The following TRAF7 variants were observed in gnomAD, a reference collection of about 807,000 sequenced individuals.
TRAF7 encodes E3 ubiquitin-protein ligase TRAF7.
A neutral mutation model predicts 89.3 loss-of-function variants in TRAF7; 45 were observed. That is an observed-to-expected ratio of 0.50 (90% CI 0.40 to 0.65). The LOEUF is 0.65. Among genes scored for constraint, TRAF7 ranks in the 30% least tolerant of loss-of-function variants. The pLI, the probability that TRAF7 is intolerant of heterozygous loss-of-function variation, is 0.00. For synonymous variants in TRAF7, 406 were observed against 369.2 expected (o/e 1.10, Z -1.14); for missense variants, 677 against 918.1 (o/e 0.74, Z 3.39).
In TRAF7 at chr16:2,174,942, C is replaced by G. The variant is rs574927104; in HGVS notation, c.1347-169C>G. Reference sequence around the variant, plus strand: ...GGGCTGGCCCGCCCCTTCCAAGGTTCCCATGTGGAGACTGGAAAATAGGCT... The same window carrying G: ...GGGCTGGCCCGCCCCTTCCAAGGTTGCCATGTGGAGACTGGAAAATAGGCT... On this transcript the variant is annotated intron_variant, in intron 14 of 20. Transcript: ENST00000326181. 7.6e-4 allele frequency among the ~76,000 whole-genome samples: 116 copies of G among 152,298 alleles called. 1 individual carries two copies. Among genetic ancestry groups the G allele is most frequent in the African/African-American group, 2.7e-3 (113 of 41,550 alleles).
In TRAF7 at chr16:2,171,554, C is replaced by G; in HGVS notation, c.442-18C>G. The G allele has an allele frequency of 6.2e-7, 1 of 1,613,236 alleles. No individual in the cohort carries two copies. On this transcript the variant is annotated intron_variant, in intron 6 of 20. Transcript: ENST00000326181. ...GAGGACCCTGCGCCACCCTCAAGCC[C>G]GCCCTTTGCCTCCACAGCACACGTT... is the stretch of plus-strand genomic sequence containing the variant.
chr16:2,169,345 G>C (rs942943153), intron 4 of TRAF7, among the ~76,000 whole-genome samples: 1 of 152,188 alleles, frequency 6.6e-6, no homozygotes, highest in Admixed American at 6.5e-5. Context: ...GTGCTAGGCC[G>C]AGGGCGAGTT....
At position 2,170,671 on chromosome 16, in the gene TRAF7, TCA is replaced by T. The variant is rs1491060397; in HGVS notation, c.290_291del (p.Ser97Ter). ...DSAISVRSLHSESSMSLRSTF... is the reference protein window; with the variant it reads ...DSAISVRSLHXESSMSLRSTF... ...CGCCATCTCTGTCCGCTCCCTGCAC[TCA>T]GAGTCCAGCATGTCTCTGCGCTCCA... On this transcript the variant is annotated frameshift_variant, in exon 5 of 21. Transcript: ENST00000326181. LOFTEE classifies it high-confidence loss of function. 1.9e-6 allele frequency: 3 copies of T among 1,609,842 alleles called. No individual in the cohort carries two copies. The highest frequency in any genetic ancestry group is 2.5e-6 in the Non-Finnish European group (3 of 1,178,530).
chr16:2,156,322 T>C (rs1357099703), intron 1 of TRAF7, among the ~76,000 whole-genome samples: 2 of 152,234 alleles, frequency 1.3e-5, no homozygotes, highest in African/African-American at 2.4e-5. Context: ...TCCTGGCCGC[T>C]AGATACCAGT....
rs1285744402 is a variant in TRAF7 at position 2,172,312 on chromosome 16, GC to G, written c.603del (p.Ile202SerfsTer44). 6.2e-7 allele frequency: 1 copy of G among 1,612,598 alleles called. No individual in the cohort carries two copies. Among genetic ancestry groups the G allele is most frequent in the Non-Finnish European group, 8.5e-7 (1 of 1,179,950 alleles). ...HGCRVAGSGK[P>X]PIFEVDPRGC... ...GCTGCCGGGTAGCGGGCAGCGGGAAGCCCCCCATCTTTGAGGTGGACCCCCG... is the reference window on the plus strand; with the variant it reads ...GCTGCCGGGTAGCGGGCAGCGGGAAGCCCCCATCTTTGAGGTGGACCCCCG... On this transcript the variant is annotated frameshift_variant, in exon 8 of 21. Transcript: ENST00000326181. LOFTEE classifies it high-confidence loss of function.
At chr16:2,160,417 G>C (rs1418108824) in intron 1 of TRAF7, among the ~76,000 whole-genome samples, 1 of 150,838 alleles carries the variant, frequency 6.6e-6, no homozygotes, top group Non-Finnish European at 1.5e-5. Flanking sequence ...CAGTGTGGAC[G>C]GGCAGGTGGT....
At position 2,177,933 on chromosome 16, in the gene TRAF7, C is replaced by G. The variant is rs1192615311; in HGVS notation, c.*1359C>G. The G allele has an allele frequency of 2.9e-6, 1 of 348,108 alleles. No individual in the cohort carries two copies. Among genetic ancestry groups the G allele is most frequent in the South Asian group, 2.9e-5 (1 of 34,036 alleles). The allele number at this position is 348,108 out of a possible 1,614,324, so 21.6% of individuals were successfully genotyped here. A position where few individuals can be genotyped will look rare whatever the true frequency, so the allele number is the denominator to read the frequency against. On this transcript the variant is annotated 3_prime_UTR_variant, in exon 21 of 21. Coordinates refer to ENST00000326181, the MANE Select transcript of TRAF7 (RefSeq NM_032271.3). ...CCTCCACTCTGGCCGGAGGAAGGAC[C>G]GCAGGCAGACAGCCTGGGCCTCTAA...
chr16:2,164,048 C>T (rs1425669933), intron 2 of TRAF7, 47 bp downstream of exon 2: 1 of 1,532,414 alleles, frequency 6.5e-7, no homozygotes, highest in South Asian at 1.2e-5. Flanking sequence ...GGACCCCCAG[C>T]ATGCCCCAGG....
Position 2,172,641 on chromosome 16 carries a change from G to A in TRAF7, c.794+42G>A. 2.0e-6 allele frequency: 3 copies of A among 1,532,734 alleles called. No individual in the cohort carries two copies. The African/African-American group carries it at 4.1e-5, about 21-fold the overall frequency. The allele number at this position is 1,532,734 out of a possible 1,614,324, so 94.9% of individuals were successfully genotyped here. On this transcript the variant is annotated intron_variant, in intron 9 of 20. Transcript: ENST00000326181. ...CGGGGGTGGGCCGGGGTGGGCGCAG[G>A]CCCTCCACAGGCTCCGCTGAGAGCT...
At chr16:2,167,924 C>T (rs373877942) in intron 3 of TRAF7, among the ~76,000 whole-genome samples, 153 bp from the exon 4 acceptor site, 10 of 152,030 alleles carry the variant, frequency 6.6e-5, no homozygotes, top group African/African-American at 1.2e-4. Flanking sequence ...AAGCTTCCCC[C>T]GTGCCATCCC....
chr16:2,172,761 G>A (rs988475253), intron 9 of TRAF7, among the ~76,000 whole-genome samples, 162 bp downstream of exon 9: 1 of 152,196 alleles, frequency 6.6e-6, no homozygotes, highest in Non-Finnish European at 1.5e-5. Flanking sequence ...AACCCAGAGG[G>A]GGAGCCGAGG....
In TRAF7 at chr16:2,158,346, G is replaced by A. The variant is rs115573394; in HGVS notation, c.-39+2488G>A. Reference sequence around the variant, plus strand: ...CTGGAGGAGGAGGGTGCAGCCAGGTGGGGCAGGTGAAAGGGGAAAGCGGGC... The same window carrying A: ...CTGGAGGAGGAGGGTGCAGCCAGGTAGGGCAGGTGAAAGGGGAAAGCGGGC... On this transcript the variant is annotated intron_variant, in intron 1 of 20. Transcript: ENST00000326181. This position sits in a 1 kb window ranked among gnomAD's most constrained non-coding sequence, Gnocchi z 4.7. Among the ~76,000 whole-genome samples, 117 of 152,352 alleles carry A rather than the reference G, an allele frequency of 7.7e-4. No homozygotes were observed. Among genetic ancestry groups the A allele is most frequent in the African/African-American group, 2.8e-3 (116 of 41,588 alleles).
At position 2,173,822 on chromosome 16, in the gene TRAF7, T is replaced by C. The variant is rs758674474; in HGVS notation, c.1121T>C (p.Met374Thr). ...TCCCACATCAACGCGCGGCTGAACA[T>C]GGGCATCCTAGGCTGTGAGTATGGA... ...ELSHINARLN[M>T]GILGSYDPQQ... Residue 374 changes from methionine to threonine, a missense_variant, in exon 12 of 21, where the codon ATG becomes ACG. Transcript: ENST00000326181. 7.8e-5 allele frequency: 125 copies of C among 1,610,898 alleles called. No homozygotes were observed. Among genetic ancestry groups the C allele is most frequent in the Admixed American group, 4.7e-4 (28 of 60,012 alleles).
chr16:2,170,756 G>T, intron 5 of TRAF7, 26 bp downstream of exon 5: 1 of 1,572,144 alleles, frequency 6.4e-7, no homozygotes, highest in Non-Finnish European at 8.6e-7. Context: ...TCGGCGCAGA[G>T]CGGCTTCCAG....
At position 2,163,774 on chromosome 16, in the gene TRAF7, G is replaced by T; in HGVS notation, c.-38-109G>T. 1.4e-6 allele frequency: 1 copy of T among 727,684 alleles called. No homozygotes were observed. Among genetic ancestry groups the T allele is most frequent in the Non-Finnish European group, 2.4e-6 (1 of 420,294 alleles). 45.1% of individuals were successfully genotyped at this position (727,684 alleles called of 1,614,324 possible). A position where few individuals can be genotyped will look rare whatever the true frequency, so the allele number is the denominator to read the frequency against. On this transcript the variant is annotated intron_variant, in intron 1 of 20. Coordinates refer to ENST00000326181, the MANE Select transcript of TRAF7 (RefSeq NM_032271.3). The surrounding 1 kb of genome is among the most constrained non-coding windows in gnomAD (Gnocchi z 4.3). ...GGGGCTGGTGGTGGAAGGCTGCTGC[G>T]GCGGCCCCACGGTGCCCCACAGCAG... is the stretch of plus-strand genomic sequence containing the variant.
chr16:2,173,857 G>GCGGGGCGCGCCCCCCCCC, intron 12 of TRAF7, 21 bp downstream of exon 12: 1 of 1,607,512 alleles, frequency 6.2e-7, no homozygotes, highest in Non-Finnish European at 8.5e-7. Context: ...ACCCGCCGTG[G>GCGGGGCGCGCCCCCCCCC]CTCCCGCCCA....
intron 15 of TRAF7, 65 bp from the exon 16 acceptor site, chr16:2,175,236 T>A: frequency 6.2e-7 from 1 of 1,612,370 alleles, no homozygotes; most frequent in Non-Finnish European, 8.5e-7. Context: ...TTTCTCCCCG[T>A]CTGGGCTCCA....
intron 6 of TRAF7, 98 bp from the exon 7 acceptor site, chr16:2,171,474 T>C (rs577651337): frequency 3.2e-6 from 5 of 1,578,860 alleles, no homozygotes; most frequent in East Asian, 4.7e-5. Flanking sequence ...CTGGCTGCAC[T>C]GGGCTTGGGG....
At chr16:2,156,119 TC>T (rs1216828099) in intron 1 of TRAF7, among the ~76,000 whole-genome samples, 1 of 151,958 alleles carries the variant, frequency 6.6e-6, no homozygotes, top group Admixed American at 6.6e-5. Flanking sequence ...CTTCCTGCAT[TC>T]CCCGAGACTC....
Sources: gnomAD v4.1 joint callset for allele counts (sites outside exome capture counted in the v4.1 genomes callset) on GRCh38, gnomAD v4.1.1 for gene constraint, Gnocchi (gnomAD v3.1) non-coding constraint, MANE v1.5 for transcripts, NCBI Gene and HGNC (gene_info 2026-07-23, HGNC 2026-07-21) for gene names.